Variants in PPA2 observed in about 807,000 individuals in gnomAD.
The protein encoded by PPA2 is inorganic pyrophosphatase 2.
A neutral mutation model predicts 49.5 loss-of-function variants in PPA2; 48 were observed. The observed-to-expected ratio is 0.97, with a 90% CI of 0.77 to 1.23. The LOEUF (loss-of-function observed/expected upper bound fraction) is 1.23, where lower values mean the gene tolerates loss of function less well. PPA2 is among the 50% of genes most tolerant of loss of function. PPA2 has a pLI of 0.00. For missense variants in PPA2, 429 were observed against 410.1 expected (o/e 1.05, Z -0.40); for synonymous variants, 131 against 139.9 (o/e 0.94, Z 0.45).
intron 4 of PPA2, chr4:105,448,079 T>G (rs1722491839): frequency 2.4e-6 from 1 of 412,544 alleles, no homozygotes; most frequent in Admixed American, 2.7e-5. Context: ...ATATTCACAT[T>G]GCTATCTTTA....
intron 2 of PPA2, chr4:105,456,182 T>C (rs746245939): frequency 1.5e-5 from 7 of 462,166 alleles, no homozygotes; most frequent in South Asian, 3.2e-5. Context: ...ACCTGTTTCA[T>C]AGAGTGGTTA....
At chr4:105,374,370 C>T (rs890043252) in intron 10 of PPA2, among the ~76,000 whole-genome samples, 5 of 152,018 alleles carry the variant, frequency 3.3e-5, no homozygotes, top group Admixed American at 2.0e-4. Context: ...AGACCAGCCC[C>T]GGCAACATAG....
At chr4:105,426,680 A>C (rs911839796) in intron 6 of PPA2, among the ~76,000 whole-genome samples, 11 of 152,168 alleles carry the variant, frequency 7.2e-5, no homozygotes, top group Admixed American at 2.0e-4. Context: ...CTATGCTTAC[A>C]GTGTAAACAA....
intron 4 of PPA2, 54 bp downstream of exon 4, chr4:105,449,296 A>G: frequency 1.8e-6 from 2 of 1,121,040 alleles, no homozygotes; most frequent in Non-Finnish European, 2.5e-6. Flanking sequence ...CTTGCAACAA[A>G]GTTTTATATC....
Position 105,396,253 on chromosome 4 carries a change from T to G in PPA2, c.865A>C (p.Asn289His). The G allele has an allele frequency of 1.3e-6, 2 of 1,566,424 alleles. No individual in the cohort carries two copies. Among genetic ancestry groups the G allele is most frequent in the Non-Finnish European group, 1.7e-6 (2 of 1,151,048 alleles). Residue 289 changes from asparagine (N) to histidine (H), a missense_variant, in exon 9 of 12, where the codon AAT becomes CAT. Asn to His is a moderately conservative substitution (Grantham distance 68). Coordinates refer to ENST00000341695, the MANE Select transcript of PPA2 (RefSeq NM_176869.3). ...LMKKCNGGAI[N>H]CTNVQISDSP... ...ATAGAAAAGACAAATTCTTACCAAT[T>G]TATAGCTCCTCCATTACACTTCTTC...
chr4:105,452,335 C>T (rs778418770), intron 3 of PPA2, among the ~76,000 whole-genome samples: 16 of 152,300 alleles, frequency 1.1e-4, no homozygotes, highest in Non-Finnish European at 1.6e-4. Flanking sequence ...CAGGTTAATA[C>T]ACTAAGTCCC....
chr4:105,449,773 T>A (rs1722590814), intron 3 of PPA2, among the ~76,000 whole-genome samples: 1 of 152,200 alleles, frequency 6.6e-6, no homozygotes, highest in African/African-American at 2.4e-5. Flanking sequence ...ACTTTTCCAA[T>A]CTGTAAAGTA....
At chr4:105,413,178 A>C (rs1722841311) in intron 7 of PPA2, among the ~76,000 whole-genome samples, 1 of 152,210 alleles carries the variant, frequency 6.6e-6, no homozygotes, top group East Asian at 1.9e-4. Flanking sequence ...TGTCCTTTGC[A>C]AGGTCATGGA....
intron 7 of PPA2, among the ~76,000 whole-genome samples, chr4:105,402,563 GCA>G (rs1347089182): frequency 1.3e-5 from 2 of 152,136 alleles, no homozygotes; most frequent in Non-Finnish European, 1.5e-5. Context: ...CATGGCTAGA[GCA>G]CAGTGAAAAA....
intron 7 of PPA2, among the ~76,000 whole-genome samples, chr4:105,413,167 A>G (rs114669234): frequency 0.015 from 2,225 of 152,352 alleles, 24 homozygotes; most frequent in Admixed American, 0.02. Flanking sequence ...GGGTGAGTTC[A>G]TGTCCTTTGC....
intron 10 of PPA2, among the ~76,000 whole-genome samples, chr4:105,379,459 AGATAGAT>A (rs138188804): frequency 0.25 from 32,686 of 132,638 alleles, 4,059 homozygotes; most frequent in South Asian, 0.34. Context: ...ATAGATAGAT[AGATAGAT>A]ATCTCAAGCA....
intron 1 of PPA2, among the ~76,000 whole-genome samples, chr4:105,459,376 A>G (rs1167105734): frequency 6.6e-6 from 1 of 152,202 alleles, no homozygotes; most frequent in Non-Finnish European, 1.5e-5. Flanking sequence ...CAAAATTACC[A>G]ATTTTTTACA....
chr4:105,378,921 G>C (rs1327640728), intron 10 of PPA2, among the ~76,000 whole-genome samples: 3 of 151,988 alleles, frequency 2.0e-5, no homozygotes, highest in Admixed American at 6.6e-5. Flanking sequence ...TTTTTAAAAA[G>C]CCTTGAAATC....
At chr4:105,456,641 C>A in intron 2 of PPA2, 40 bp downstream of exon 2, 1 of 1,475,368 alleles carries the variant, frequency 6.8e-7, no homozygotes, top group Non-Finnish European at 9.3e-7. Context: ...GTGATACTGG[C>A]AGTACACGTT....
At chr4:105,379,297 C>G (rs953426245) in intron 10 of PPA2, among the ~76,000 whole-genome samples, 1 of 151,464 alleles carries the variant, frequency 6.6e-6, no homozygotes, top group African/African-American at 2.4e-5. Flanking sequence ...ATATTATTTT[C>G]TAATTGTAGC....
chr4:105,405,216 A>G (rs1722405581), intron 7 of PPA2: 1 of 744,444 alleles, frequency 1.3e-6, no homozygotes, highest in Non-Finnish European at 1.6e-6. Context: ...CAATGTAGGT[A>G]GGCATAGTTA....
Position 105,474,045 on chromosome 4 carries a change from G to T in PPA2, c.6C>A (p.Ser2Arg), listed in dbSNP as rs58033964. The T allele has an allele frequency of 5.5e-5, 87 of 1,584,660 alleles. No individual in the cohort carries two copies. The highest frequency in any genetic ancestry group is 1.7e-4 in the Middle Eastern group (1 of 5,892). The change falls in exon 1 of 12, where the codon AGC (serine) becomes AGA (arginine). Residue 2 changes from serine to arginine, a missense_variant. Coordinates refer to ENST00000341695, the MANE Select transcript of PPA2 (RefSeq NM_176869.3). Reference protein sequence around the residue: MSALLRLLRTGA... With the variant: MRALLRLLRTGA... ...CCGTGCGCAGCAGCCGCAGCAGCGCGCTCATGGCGTCAATGACGGTCCTGC... is the reference window on the plus strand; with the variant it reads ...CCGTGCGCAGCAGCCGCAGCAGCGCTCTCATGGCGTCAATGACGGTCCTGC...
intron 10 of PPA2, among the ~76,000 whole-genome samples, chr4:105,377,177 C>T (rs186079667): frequency 1.5e-4 from 23 of 152,200 alleles, no homozygotes; most frequent in African/African-American, 5.3e-4. Context: ...TTCCAATACC[C>T]AACAATGGAA....
At chr4:105,403,282 T>A (rs1722309443) in intron 7 of PPA2, among the ~76,000 whole-genome samples, 1 of 152,158 alleles carries the variant, frequency 6.6e-6, no homozygotes, top group Non-Finnish European at 1.5e-5. Flanking sequence ...TGGGCTCCAG[T>A]GTTCCTCCTG....
Sources: allele counts gnomAD v4.1 joint callset (sites outside exome capture counted in the v4.1 genomes callset), GRCh38; gene constraint gnomAD v4.1.1; transcripts MANE v1.5; gene names NCBI Gene and HGNC (gene_info 2026-07-23, HGNC 2026-07-21).